EBF2: variants seen among roughly 807,000 people sequenced by gnomAD.
EBF2 encodes transcription factor COE2.
EBF2 carries 21 observed loss-of-function variants against 72.8 expected under a neutral mutation model. That is an observed-to-expected ratio of 0.29 (90% CI 0.20 to 0.42). The LOEUF is 0.42. Ranked by LOEUF, EBF2 falls within the 10% of genes least tolerant of loss-of-function variation. EBF2 has a pLI of 1.00. For synonymous variants in EBF2, 299 were observed against 274.2 expected (o/e 1.09, Z -0.89); for missense variants, 637 against 731.2 (o/e 0.87, Z 1.49).
chr8:25,949,729 G>T (rs1803827510), intron 6 of EBF2, among the ~76,000 whole-genome samples: 2 of 152,054 alleles, frequency 1.3e-5, no homozygotes, highest in African/African-American at 4.8e-5. Context: ...GTTGAGGGAG[G>T]GTGGTCATGG....
intron 3 of EBF2, 109 bp from the exon 4 acceptor site, chr8:26,040,780 C>A (rs1029830010): frequency 5.5e-5 from 81 of 1,485,376 alleles, no homozygotes; most frequent in African/African-American, 7.0e-5. Context: ...CATGCTGAGC[C>A]GCCCTGGAGA....
intron 10 of EBF2, among the ~76,000 whole-genome samples, chr8:25,879,211 T>C (rs1802567858): frequency 6.6e-6 from 1 of 152,202 alleles, no homozygotes; most frequent in Non-Finnish European, 1.5e-5. Context: ...TTAAAACCCA[T>C]ATCACAGATG....
intron 6 of EBF2, among the ~76,000 whole-genome samples, chr8:25,915,796 C>T (rs1027628922): frequency 6.6e-6 from 1 of 152,034 alleles, no homozygotes; most frequent in African/African-American, 2.4e-5. Flanking sequence ...ACCCAAGGGA[C>T]AGAGCAGGAT....
chr8:26,009,486 A>G (rs1804942277), intron 6 of EBF2, among the ~76,000 whole-genome samples: 1 of 152,236 alleles, frequency 6.6e-6, no homozygotes. Context: ...GATGTATAAA[A>G]TTATTTTGAA....
chr8:25,906,636 A>T (rs1231157365), intron 7 of EBF2, among the ~76,000 whole-genome samples: 1 of 152,060 alleles, frequency 6.6e-6, no homozygotes, highest in Non-Finnish European at 1.5e-5. Context: ...GCGTGGTGGC[A>T]TGTGCCTGTA....
rs1332598392 is a variant in EBF2, at chr8:25,844,393, C to A, written c.*216G>T. On this transcript the variant is annotated 3_prime_UTR_variant, in exon 16 of 16. Coordinates refer to ENST00000520164, the MANE Select transcript of EBF2 (RefSeq NM_022659.4). ...TTAGCACTGACTACGTCAATGACAT[C>A]TTTTGTCCTTGTCCCAAGAGGGTCA... The A allele has an allele frequency of 1.1e-5, 6 of 546,014 alleles. No individual in the cohort carries two copies. The highest frequency in any genetic ancestry group is 5.9e-5 in the East Asian group (2 of 34,096). The allele number at this position is 546,014 out of a possible 1,614,324, so 33.8% of individuals were successfully genotyped here. A position where few individuals can be genotyped will look rare whatever the true frequency, so the allele number is the denominator to read the frequency against.
chr8:25,929,748 T>G (rs1803450752), intron 6 of EBF2, among the ~76,000 whole-genome samples: 1 of 152,182 alleles, frequency 6.6e-6, no homozygotes, highest in Non-Finnish European at 1.5e-5. Context: ...TGGTTGAGTC[T>G]TCACAGTCTT....
intron 6 of EBF2, among the ~76,000 whole-genome samples, chr8:26,020,303 TG>T (rs1409645896): frequency 6.6e-6 from 1 of 152,168 alleles, no homozygotes; most frequent in Non-Finnish European, 1.5e-5. Flanking sequence ...AGACTTCCAG[TG>T]TTTGGGTTTG....
At chr8:25,951,982 A>G (rs1268343562) in intron 6 of EBF2, among the ~76,000 whole-genome samples, 1 of 152,204 alleles carries the variant, frequency 6.6e-6, no homozygotes, top group East Asian at 1.9e-4. Context: ...AAAGTGTTCA[A>G]AGGGGACTCT....
chr8:25,868,142 T>C (rs890096045), intron 10 of EBF2, among the ~76,000 whole-genome samples: 3 of 152,234 alleles, frequency 2.0e-5, no homozygotes, highest in African/African-American at 7.2e-5. Context: ...GTCCTATTTA[T>C]AATTTTGACT....
intron 6 of EBF2, among the ~76,000 whole-genome samples, chr8:26,005,626 T>C (rs754869762): frequency 1.4e-4 from 17 of 123,302 alleles, no homozygotes; most frequent in Non-Finnish European, 2.8e-4. Flanking sequence ...CCCCTGAAGT[T>C]CAAGACCAGC....
At chr8:25,943,321 A>G (rs1803710779) in intron 6 of EBF2, among the ~76,000 whole-genome samples, 2 of 150,268 alleles carry the variant, frequency 1.3e-5, no homozygotes, top group South Asian at 2.1e-4. Flanking sequence ...CAAAAAAAAA[A>G]AAAAAAAAAA....
intron 10 of EBF2, among the ~76,000 whole-genome samples, chr8:25,874,673 C>A (rs1380119593): frequency 2.6e-5 from 4 of 151,748 alleles, no homozygotes; most frequent in South Asian, 2.1e-4. Context: ...CTTCTGGGTT[C>A]TTTTAAAAAA....
At chr8:25,968,026 C>A (rs540437248) in intron 6 of EBF2, among the ~76,000 whole-genome samples, 30 of 152,236 alleles carry the variant, frequency 2.0e-4, no homozygotes, top group African/African-American at 6.7e-4. Context: ...ATGCAGCTTA[C>A]CTGAAAGAAT....
Position 25,886,778 on chromosome 8 carries a change from G to A in EBF2, c.986C>T (p.Ala329Val), listed in dbSNP as rs375086316. Residue 329 changes from alanine to valine, a missense_variant, in exon 10 of 16, where the codon GCC becomes GTC. By Grantham distance (64) the Ala-to-Val change is moderately conservative. Around this residue, in one of 3 missense-constraint regions of EBF2, gnomAD observed 204 missense variants for 301.2 expected, o/e 0.68. Coordinates refer to ENST00000520164, the MANE Select transcript of EBF2 (RefSeq NM_022659.4). ...SYKSKQFCKG[A>V]PGRFIYTALN... is the part of the protein sequence containing the mutation. ...ACCTGTGTAAATGAACCTTCCTGGG[G>A]CTCCTTTGCAGAACTGTTTAGATTT... 1.6e-5 allele frequency: 25 copies of A among 1,610,266 alleles called. No homozygotes were observed. The highest frequency in any genetic ancestry group is 2.0e-5 in the Non-Finnish European group (24 of 1,178,116).
At chr8:26,005,500 A>AGATAATATATATTT (rs1804854487) in intron 6 of EBF2, among the ~76,000 whole-genome samples, 1 of 68,976 alleles carries the variant, frequency 1.4e-5, no homozygotes, top group Admixed American at 2.6e-4. Flanking sequence ...ATATTATAAA[A>AGATAATATATATTT]TATAATATAT....
At chr8:25,886,973 C>T (rs1802700592) in intron 9 of EBF2, 92 bp from the exon 10 acceptor site, 1 of 1,422,626 alleles carries the variant, frequency 7.0e-7, no homozygotes, top group Non-Finnish European at 9.4e-7. Flanking sequence ...TATTGCTCCC[C>T]AGGGGCTTCT....
intron 7 of EBF2, among the ~76,000 whole-genome samples, chr8:25,894,782 T>C (rs1336436731): frequency 1.3e-5 from 2 of 152,246 alleles, no homozygotes; most frequent in Admixed American, 6.5e-5. Context: ...CTTCTGATCA[T>C]ATAACCATCA....
rs1428275303 is a variant in EBF2 at position 25,866,570 on chromosome 8, T to G, written c.1010-3773A>C. ...ATGTAATTTTTATGTATTATATAAT[T>G]TATATATATAATAATTTTTATATAA... On this transcript the variant is annotated intron_variant, in intron 10 of 15. Transcript: ENST00000520164. Among the ~76,000 whole-genome samples the G allele has an allele frequency of 3.5e-5, 5 of 141,284 alleles. No individual in the cohort carries two copies. The East Asian group carries it at 5.9e-4, about 17-fold the overall frequency. The allele number at this position is 141,284 out of a possible 152,430, so 92.7% of individuals were successfully genotyped here.
Sources: allele counts gnomAD v4.1 joint callset (sites outside exome capture counted in the v4.1 genomes callset), GRCh38; gene constraint gnomAD v4.1.1; regional missense constraint gnomAD v4.1.1; transcripts MANE v1.5; gene names NCBI Gene and HGNC (gene_info 2026-07-23, HGNC 2026-07-21).